The following ATRNL1 variants were observed in gnomAD, a reference collection of about 807,000 sequenced individuals.
ATRNL1 encodes attractin like 1, also known as attractin-like protein 1.
A neutral mutation model predicts 182.7 loss-of-function variants in ATRNL1; 95 were observed. The observed-to-expected ratio is 0.52, with a 90% CI of 0.44 to 0.62. The LOEUF (loss-of-function observed/expected upper bound fraction) is 0.62. Ranked by LOEUF, ATRNL1 falls within the 20% of genes least tolerant of loss-of-function variation. The probability of loss-of-function intolerance (pLI) is 0.00; values close to 1 mark genes in which losing one functional copy is unlikely to be tolerated. For synonymous variants in ATRNL1, 576 were observed against 568.3 expected (o/e 1.01, Z -0.19); for missense variants, 1,471 against 1,679.5 (o/e 0.88, Z 2.17).
At chr10:115,612,414 A>T (rs1555019295) in intron 26 of ATRNL1, among the ~76,000 whole-genome samples, 1 of 152,194 alleles carries the variant, frequency 6.6e-6, no homozygotes, top group Non-Finnish European at 1.5e-5. Context: ...TTATCTAAAG[A>T]TACTCATTCT....
At chr10:115,933,386 A>G (rs1555122122) in intron 28 of ATRNL1, among the ~76,000 whole-genome samples, 1 of 152,208 alleles carries the variant, frequency 6.6e-6, no homozygotes, top group African/African-American at 2.4e-5. Context: ...GTCCTTCTCA[A>G]GTCATCAACT....
At chr10:115,573,122 C>A (rs1854502699) in intron 26 of ATRNL1, among the ~76,000 whole-genome samples, 1 of 152,162 alleles carries the variant, frequency 6.6e-6, no homozygotes, top group African/African-American at 2.4e-5. Context: ...TCTTGCCAGG[C>A]ATCTTGGAAG....
At chr10:115,591,282 A>G (rs1431299153) in intron 26 of ATRNL1, among the ~76,000 whole-genome samples, 1 of 152,166 alleles carries the variant, frequency 6.6e-6, no homozygotes, top group Admixed American at 6.5e-5. Flanking sequence ...ATAGTATCAG[A>G]TATATCCTGC....
At chr10:115,344,876 C>T (rs1432914794) in intron 19 of ATRNL1, among the ~76,000 whole-genome samples, 2 of 152,188 alleles carry the variant, frequency 1.3e-5, no homozygotes, top group Non-Finnish European at 2.9e-5. Context: ...TGGGTCCTTT[C>T]CTTCAAGTCA....
At chr10:115,546,327 G>A (rs1852651313) in intron 25 of ATRNL1, among the ~76,000 whole-genome samples, 1 of 152,012 alleles carries the variant, frequency 6.6e-6, no homozygotes, top group African/African-American at 2.4e-5. Context: ...CACTTTGGGA[G>A]GCTGAGGAGG....
intron 9 of ATRNL1, among the ~76,000 whole-genome samples, chr10:115,236,131 T>C (rs1850169566): frequency 6.6e-6 from 1 of 152,166 alleles, no homozygotes; most frequent in Non-Finnish European, 1.5e-5. Context: ...GTGCACTCCT[T>C]TACCTTCTGC....
chr10:115,760,787 A>T (rs1315971521), intron 27 of ATRNL1, among the ~76,000 whole-genome samples: 1 of 152,248 alleles, frequency 6.6e-6, no homozygotes, highest in Admixed American at 6.5e-5. Context: ...GTAGTAAGTA[A>T]TACCAGCAGA....
chr10:115,871,154 T>C (rs1951570017), intron 28 of ATRNL1, among the ~76,000 whole-genome samples: 1 of 152,092 alleles, frequency 6.6e-6, no homozygotes, highest in Admixed American at 6.5e-5. Context: ...CTCAGTAAAC[T>C]TTTGGATCTC....
intron 9 of ATRNL1, among the ~76,000 whole-genome samples, chr10:115,216,965 T>G (rs1849258519): frequency 6.6e-6 from 1 of 152,174 alleles, no homozygotes. Context: ...ATAAATAGCA[T>G]CTTCTGTACA....
intron 19 of ATRNL1, among the ~76,000 whole-genome samples, chr10:115,371,993 AG>A (rs1382033798): frequency 6.6e-6 from 1 of 152,148 alleles, no homozygotes; most frequent in African/African-American, 2.4e-5. Context: ...GGTTTGAAAA[AG>A]GGGAGTTTCT....
chr10:115,709,059 A>G (rs1477247235), intron 26 of ATRNL1, among the ~76,000 whole-genome samples: 1 of 151,850 alleles, frequency 6.6e-6, no homozygotes, highest in African/African-American at 2.4e-5. Flanking sequence ...TTTATGCTAT[A>G]TTCATTACTT....
intron 20 of ATRNL1, among the ~76,000 whole-genome samples, chr10:115,412,900 A>G (rs997523037): frequency 6.6e-6 from 1 of 152,200 alleles, no homozygotes; most frequent in African/African-American, 2.4e-5. Context: ...TATGTTGAAA[A>G]TAGTTAGATC....
intron 8 of ATRNL1, among the ~76,000 whole-genome samples, chr10:115,181,896 T>C (rs1196522250): frequency 1.3e-5 from 2 of 151,654 alleles, no homozygotes; most frequent in Admixed American, 1.3e-4. Flanking sequence ...TTGAAAGATC[T>C]TTCGCAGTAA....
intron 27 of ATRNL1, among the ~76,000 whole-genome samples, chr10:115,741,881 T>G (rs1948149562): frequency 6.6e-6 from 1 of 152,042 alleles, no homozygotes; most frequent in Admixed American, 6.6e-5. Context: ...GAAACAAAGA[T>G]TCAAATGACA....
At chr10:115,250,191 TTA>T (rs1342083909) in intron 10 of ATRNL1, among the ~76,000 whole-genome samples, 2 of 152,168 alleles carry the variant, frequency 1.3e-5, no homozygotes, top group Admixed American at 6.5e-5. Context: ...CACTTCCATT[TTA>T]TATTCTTAGG....
chr10:115,566,677 G>A (rs192651333), intron 26 of ATRNL1, among the ~76,000 whole-genome samples: 7 of 151,966 alleles, frequency 4.6e-5, no homozygotes, highest in Admixed American at 1.3e-4. Context: ...TTTATCAGTC[G>A]GCTGAAACAA....
intron 3 of ATRNL1, among the ~76,000 whole-genome samples, chr10:115,122,646 A>G (rs1844795492): frequency 6.6e-6 from 1 of 151,988 alleles, no homozygotes; most frequent in African/African-American, 2.4e-5. Context: ...CAAATATTCT[A>G]TTTCATTCTA....
chr10:115,579,033 T>A (rs1322122499), intron 26 of ATRNL1, among the ~76,000 whole-genome samples: 1 of 129,208 alleles, frequency 7.7e-6, no homozygotes, highest in African/African-American at 2.5e-5. Flanking sequence ...TCTTATTGAT[T>A]TCTATTTTCA....
intron 27 of ATRNL1, among the ~76,000 whole-genome samples, chr10:115,824,562 T>G (rs1359406756): frequency 6.6e-6 from 1 of 151,452 alleles, no homozygotes; most frequent in African/African-American, 2.4e-5. Context: ...ACAAGGAACT[T>G]AAAGAAACTT....
Sources: gnomAD v4.1 joint callset for allele counts (sites outside exome capture counted in the v4.1 genomes callset) on GRCh38, gnomAD v4.1.1 for gene constraint, MANE v1.5 for transcripts, NCBI Gene and HGNC (gene_info 2026-07-23, HGNC 2026-07-21) for gene names.